Variants in ADGRG2 observed in about 807,000 individuals in gnomAD.
ADGRG2 encodes adhesion G protein-coupled receptor G2.
In ADGRG2, 26 loss-of-function variants were observed where a neutral mutation model predicts 74.1. That is an observed-to-expected ratio of 0.35 (90% CI 0.26 to 0.49). The LOEUF is 0.49. ADGRG2 is among the 20% of genes least tolerant of loss of function. The probability of loss-of-function intolerance (pLI) is 0.99; values close to 1 mark genes in which losing one functional copy is unlikely to be tolerated. For missense variants in ADGRG2, 619 were observed against 763.1 expected, an observed-to-expected ratio of 0.81 and a Z score of 2.22; for synonymous variants, 296 against 295.2, an observed-to-expected ratio of 1.00 and a Z score of -0.03.
intron 23 of ADGRG2, among the ~76,000 whole-genome samples, chrX:19,004,449 C>T (rs990563588): frequency 8.9e-6 from 1 of 112,272 alleles, no homozygotes; most frequent in African/African-American, 3.2e-5. Context: ...TGGTCTATTT[C>T]AGATGGTAAG....
chrX:19,082,018 A>T (rs1316985610), intron 2 of ADGRG2, among the ~76,000 whole-genome samples: 1 of 92,194 alleles, frequency 1.1e-5, no homozygotes, highest in East Asian at 4.2e-4. Context: ...AACTGCAGTG[A>T]GCTGTGACTG....
At chrX:19,000,276 C>T (rs1043139379) in intron 24 of ADGRG2, among the ~76,000 whole-genome samples, 2 of 112,030 alleles carry the variant, frequency 1.8e-5, no homozygotes, top group African/African-American at 3.2e-5. Flanking sequence ...GGATTGCAGG[C>T]GTGAGCCACC....
chrX:19,010,060 C>T (rs933800706), intron 17 of ADGRG2, among the ~76,000 whole-genome samples: 13 of 110,062 alleles, frequency 1.2e-4, no homozygotes, highest in African/African-American at 3.6e-4. Flanking sequence ...CCACACGCCT[C>T]GGCCTCCCAA....
chrX:19,078,837 G>A (rs886100711), intron 2 of ADGRG2, among the ~76,000 whole-genome samples: 2 of 109,478 alleles, frequency 1.8e-5, no homozygotes, highest in African/African-American at 3.3e-5. Context: ...AGCCAACGTT[G>A]CTCTTTGAAA....
At chrX:19,121,146 C>T (rs899995072) in intron 1 of ADGRG2, among the ~76,000 whole-genome samples, 6 of 111,829 alleles carry the variant, frequency 5.4e-5, no homozygotes, top group Admixed American at 1.9e-4. Flanking sequence ...TTGACATCTC[C>T]AGACCATTTT....
intron 1 of ADGRG2, among the ~76,000 whole-genome samples, chrX:19,089,908 T>C (rs1249766662): frequency 8.9e-6 from 1 of 112,224 alleles, no homozygotes; most frequent in Non-Finnish European, 1.9e-5. Flanking sequence ...TGCTTTAAGC[T>C]GCTAAATTTT....
At chrX:19,028,558 T>G (rs2146677222) in intron 9 of ADGRG2, among the ~76,000 whole-genome samples, 1 of 110,938 alleles carries the variant, frequency 9.0e-6, no homozygotes, top group South Asian at 3.9e-4. Context: ...ATAATCTATA[T>G]GCAGGGGTGT....
rs3056190 is a variant in ADGRG2, at chrX:19,063,008, T to TA, written c.118+5708dup. On this transcript the variant is annotated intron_variant, in intron 3 of 28. Coordinates refer to ENST00000379869, the MANE Select transcript of ADGRG2 (RefSeq NM_001079858.3). The stretch of plus-strand genomic sequence containing the variant: ...TAAAAGAAGACCTCCTTCAAAGATT[T>TA]AAAAAAAAAAAAAAAGGCATTGGTA... Among the ~76,000 whole-genome samples, 447 of 96,299 alleles carry TA rather than the reference T, an allele frequency of 4.6e-3. 2 individuals carry two copies. The highest frequency in any genetic ancestry group is 0.011 in the African/African-American group (303 of 26,384). 83.6% of individuals were successfully genotyped at this position (96,299 alleles called of 115,157 possible).
chrX:19,046,704 G>A (rs1037744883), intron 3 of ADGRG2, among the ~76,000 whole-genome samples: 1 of 111,825 alleles, frequency 8.9e-6, no homozygotes, highest in Non-Finnish European at 1.9e-5. Context: ...AGCAAAGGGG[G>A]GAGGTAATAT....
At position 19,100,902 on chromosome X, in the gene ADGRG2, C is replaced by T. The variant is rs970157623; in HGVS notation, c.-46-18156G>A. On this transcript the variant is annotated intron_variant, in intron 1 of 28. Coordinates refer to ENST00000379869, the MANE Select transcript of ADGRG2 (RefSeq NM_001079858.3). ...CGATGGCAAATGAAAGCAAACTCAG[C>T]TTTGCGATTCCTCGCGGGCAAAGGG... is the stretch of plus-strand genomic sequence containing the variant. Among the ~76,000 whole-genome samples the T allele has an allele frequency of 6.2e-5, 7 of 113,288 alleles. No individual in the cohort carries two copies. The Admixed American group carries it at 6.5e-4, about 11-fold the overall frequency.
At chrX:19,105,727 A>AC (rs2062273978) in intron 1 of ADGRG2, among the ~76,000 whole-genome samples, 1 of 110,141 alleles carries the variant, frequency 9.1e-6, no homozygotes, top group Admixed American at 9.7e-5. Context: ...TTAAAGTATA[A>AC]TAAAAAAAAT....
intron 3 of ADGRG2, among the ~76,000 whole-genome samples, chrX:19,047,367 C>T (rs1016315836): frequency 1.8e-5 from 2 of 111,664 alleles, no homozygotes; most frequent in Non-Finnish European, 3.8e-5. Flanking sequence ...AAATAAACTA[C>T]CTGCACCAAA....
At chrX:19,075,617 C>CAAAAAAAA (rs61690480) in intron 2 of ADGRG2, among the ~76,000 whole-genome samples, 20 of 39,254 alleles carry the variant, frequency 5.1e-4, no homozygotes, top group Non-Finnish European at 6.4e-4. Flanking sequence ...GACTTCGCCT[C>CAAAAAAAA]AAAAAAAAAA....
intron 3 of ADGRG2, among the ~76,000 whole-genome samples, chrX:19,050,028 C>T (rs903914723): frequency 1.8e-5 from 2 of 111,317 alleles, no homozygotes; most frequent in African/African-American, 6.5e-5. Context: ...CACAATTGAG[C>T]AGTGATCACT....
At chrX:18,993,245 A>G (rs1253375862) in intron 28 of ADGRG2, among the ~76,000 whole-genome samples, 1 of 111,694 alleles carries the variant, frequency 9.0e-6, no homozygotes. Flanking sequence ...AACTGGGGGC[A>G]GGGTGCTACT....
rs1324241123 is a variant in ADGRG2, at chrX:19,044,064, C to T, written c.119-3840G>A. Among the ~76,000 whole-genome samples, 5 of 111,920 alleles carry T rather than the reference C, an allele frequency of 4.5e-5. No individual in the cohort carries two copies. In the East Asian group the frequency reaches 1.4e-3, roughly 31 times the overall value. On this transcript the variant is annotated intron_variant, in intron 3 of 28. Coordinates refer to ENST00000379869, the MANE Select transcript of ADGRG2 (RefSeq NM_001079858.3). ...ATTGTTATCTTAGAGTTCTGCATGT[C>T]AGACGTCCAGTAGGAGTCTCACCAG...
At chrX:19,039,451 G>A (rs1336385591) in intron 4 of ADGRG2, among the ~76,000 whole-genome samples, 8 of 112,400 alleles carry the variant, frequency 7.1e-5, no homozygotes, top group Non-Finnish European at 1.9e-5. Flanking sequence ...CAGAAAGAAT[G>A]TGAGTTGACT....
At position 18,993,093 on chromosome X, in the gene ADGRG2, C is replaced by T. The variant is rs778896943; in HGVS notation, c.2869+1803G>A. 5.4e-5 allele frequency among the ~76,000 whole-genome samples: 6 copies of T among 111,903 alleles called. No individual in the cohort carries two copies. The East Asian group carries it at 1.4e-3, about 26-fold the overall frequency. The stretch of plus-strand genomic sequence containing the variant: ...GAGCCCAGAGCTTGCTTTCTGGTAT[C>T]GACAGTAAAGAGCTAAGGCTATACA... On this transcript the variant is annotated intron_variant, in intron 28 of 28. Coordinates refer to ENST00000379869, the MANE Select transcript of ADGRG2 (RefSeq NM_001079858.3).
At chrX:19,005,656 C>T (rs190118746) in intron 22 of ADGRG2, among the ~76,000 whole-genome samples, 165 of 108,191 alleles carry the variant, frequency 1.5e-3, no homozygotes, top group African/African-American at 5.4e-3. Flanking sequence ...CAGGATCAAG[C>T]GATTATCCTG....
Sources: gnomAD v4.1 joint callset for allele counts (sites outside exome capture counted in the v4.1 genomes callset) on GRCh38, gnomAD v4.1.1 for gene constraint, MANE v1.5 for transcripts, NCBI Gene and HGNC (gene_info 2026-07-23, HGNC 2026-07-21) for gene names.